Variants in TMEM272 observed in about 807,000 individuals in gnomAD.
TMEM272 encodes the protein long intergenic non-protein coding RNA 282.
TMEM272 carries 8 observed loss-of-function variants against 3.7 expected under a neutral mutation model. The observed-to-expected ratio is 2.17, with a 90% CI of 1.27 to 3.91. The LOEUF (loss-of-function observed/expected upper bound fraction) is 3.91. TMEM272 is among the 30% of genes most tolerant of loss of function. The pLI is 0.00. For missense variants in TMEM272, 166 were observed against 91.5 expected (o/e 1.81, Z -3.32); for synonymous variants, 63 against 39.8 (o/e 1.58, Z -2.20).
At chr13:51,910,626 C>T in the TMEM272 span, 2 of 554,770 alleles carry the variant, frequency 3.6e-6, no homozygotes, top group East Asian at 3.7e-5. Context: ...CTCCATAGTG[C>T]CAAGGCTGCT....
chr13:51,814,408 G>A lies in TMEM272; in HGVS notation c.*2343C>T, dbSNP rs1955997399. On this transcript the variant is annotated 3_prime_UTR_variant, in exon 5 of 5. Transcript: ENST00000629372. ...ACCATTCAGTGTCCCCTCTATGAAT[G>A]GATGCACATGAACATTTTCTTTAGG... 1 of 152,210 alleles carries A rather than the reference G, an allele frequency of 6.6e-6. No homozygotes were observed. Among genetic ancestry groups the A allele is most frequent in the Non-Finnish European group, 1.5e-5 (1 of 68,034 alleles). The allele number at this position is 152,210 out of a possible 1,614,324, so 9.4% of individuals were successfully genotyped here.
the TMEM272 span, among the ~76,000 whole-genome samples, chr13:51,858,872 G>A: frequency 0.042 from 6,372 of 152,114 alleles, 457 homozygotes; most frequent in African/African-American, 0.14. Flanking sequence ...AGAACTTCTC[G>A]AGGTCCCGCC....
chr13:51,919,429 C>T, the TMEM272 span, among the ~76,000 whole-genome samples: 1 of 152,210 alleles, frequency 6.6e-6, no homozygotes, highest in Non-Finnish European at 1.5e-5. Flanking sequence ...ATTCTCTTCT[C>T]TTGCTCCCCA....
chr13:51,850,557 AT>A, the TMEM272 span, among the ~76,000 whole-genome samples: 1 of 152,110 alleles, frequency 6.6e-6, no homozygotes, highest in Non-Finnish European at 1.5e-5. Flanking sequence ...TTAAAATAAT[AT>A]TTTAATTCTT....
At chr13:51,923,959 G>T in the TMEM272 span, among the ~76,000 whole-genome samples, 2 of 152,182 alleles carry the variant, frequency 1.3e-5, no homozygotes, top group African/African-American at 4.8e-5. Flanking sequence ...CCCCTCAGAC[G>T]AAGCCCCTTT....
chr13:51,841,657 A>T (rs1356290043), intron 1 of TMEM272, among the ~76,000 whole-genome samples: 1 of 152,252 alleles, frequency 6.6e-6, no homozygotes, highest in Non-Finnish European at 1.5e-5. Context: ...ACTAACTGCA[A>T]ATAAGGTAGA....
chr13:51,893,319 A>G, the TMEM272 span, among the ~76,000 whole-genome samples: 1 of 152,232 alleles, frequency 6.6e-6, no homozygotes, highest in Non-Finnish European at 1.5e-5. Context: ...AAATGCATCA[A>G]AAGCTCTGTC....
chr13:51,846,853 CT>C (rs1273469328), upstream of TMEM272, among the ~76,000 whole-genome samples: 9 of 152,246 alleles, frequency 5.9e-5, no homozygotes, highest in African/African-American at 1.9e-4. Context: ...GCTAAGGTTA[CT>C]TTATTATTAA....
the TMEM272 span, among the ~76,000 whole-genome samples, chr13:51,856,219 T>C: frequency 2.0e-5 from 3 of 152,156 alleles, no homozygotes; most frequent in Admixed American, 6.5e-5. Flanking sequence ...GCAGGATCAG[T>C]TGATTGCCAG....
At chr13:51,826,137 GCAAAAA>G (rs1956122985) in intron 3 of TMEM272, among the ~76,000 whole-genome samples, 1 of 69,972 alleles carries the variant, frequency 1.4e-5, no homozygotes, top group African/African-American at 7.1e-5. Flanking sequence ...CATTCATTCA[GCAAAAA>G]AAAAAAAAAA....
the TMEM272 span, among the ~76,000 whole-genome samples, chr13:51,912,687 G>A: frequency 1.3e-5 from 2 of 152,140 alleles, no homozygotes; most frequent in African/African-American, 4.8e-5. Context: ...GCTACCAGTG[G>A]CACTGACCTC....
In TMEM272 at chr13:51,825,023, T is replaced by G. The variant is rs185532664; in HGVS notation, c.118+1543A>C. Among the ~76,000 whole-genome samples the G allele has an allele frequency of 1.7e-4, 26 of 152,354 alleles. No homozygotes were observed. In the Middle Eastern group the frequency reaches 0.01, roughly 60 times the overall value. ...TAGGGTTCTCTTACCTTACAGATTTTGCATAGAATGCCCTCTGGAGAGTAC... is the reference window on the plus strand; with the variant it reads ...TAGGGTTCTCTTACCTTACAGATTTGGCATAGAATGCCCTCTGGAGAGTAC... On this transcript the variant is annotated intron_variant, in intron 3 of 4. Transcript: ENST00000629372.
the TMEM272 span, among the ~76,000 whole-genome samples, chr13:51,902,891 G>A: frequency 3.3e-5 from 5 of 152,250 alleles, no homozygotes; most frequent in South Asian, 4.1e-4. Flanking sequence ...ATGTGATGCC[G>A]AGGGAGTGGA....
At chr13:51,919,978 G>A in the TMEM272 span, among the ~76,000 whole-genome samples, 1 of 151,518 alleles carries the variant, frequency 6.6e-6, no homozygotes, top group Non-Finnish European at 1.5e-5. Flanking sequence ...AAGGAAAGGA[G>A]GGAGGGAGGC....
At chr13:51,914,345 A>G in the TMEM272 span, among the ~76,000 whole-genome samples, 2 of 152,262 alleles carry the variant, frequency 1.3e-5, no homozygotes, top group African/African-American at 4.8e-5. Flanking sequence ...AGGGCTGAGC[A>G]GCACTGTCAC....
chr13:51,894,744 C>A, the TMEM272 span, among the ~76,000 whole-genome samples: 2 of 152,072 alleles, frequency 1.3e-5, no homozygotes, highest in Admixed American at 6.5e-5. Context: ...TTTCCATGGA[C>A]CAGGCTGGGG....
the TMEM272 span, among the ~76,000 whole-genome samples, chr13:51,873,142 G>C: frequency 6.6e-6 from 1 of 152,252 alleles, no homozygotes; most frequent in Non-Finnish European, 1.5e-5. Flanking sequence ...GTAACTGAAG[G>C]TGTTAAAAGG....
At chr13:51,823,822 A>T (rs980587436) in intron 3 of TMEM272, among the ~76,000 whole-genome samples, 2 of 152,226 alleles carry the variant, frequency 1.3e-5, no homozygotes, top group African/African-American at 4.8e-5. Context: ...AAATGAACAA[A>T]ATTTTCTAGG....
At chr13:51,870,812 AG>A in the TMEM272 span, among the ~76,000 whole-genome samples, 1 of 152,222 alleles carries the variant, frequency 6.6e-6, no homozygotes, top group African/African-American at 2.4e-5. Flanking sequence ...GATGGAGCCA[AG>A]GACAGGAAGA....
Sources: gnomAD v4.1 joint callset for allele counts (sites outside exome capture counted in the v4.1 genomes callset) on GRCh38, gnomAD v4.1.1 for gene constraint, MANE v1.5 for transcripts, NCBI Gene and HGNC (gene_info 2026-07-23, HGNC 2026-07-21) for gene names.